Variants in TDRD1 observed in about 807,000 individuals in gnomAD.
TDRD1 encodes the protein tudor domain-containing protein 1.
TDRD1 carries 37 observed loss-of-function variants against 140.6 expected under a neutral mutation model. That is an observed-to-expected ratio of 0.26 (90% CI 0.20 to 0.35). The LOEUF (loss-of-function observed/expected upper bound fraction) is 0.35, where lower values mean the gene tolerates loss of function less well. TDRD1 is among the 10% of genes least tolerant of loss of function. The pLI, the probability that TDRD1 is intolerant of heterozygous loss-of-function variation, is 1.00. For missense variants in TDRD1, 1,243 were observed against 1,393.0 expected, an observed-to-expected ratio of 0.89 and a Z score of 1.71; for synonymous variants, 506 against 475.7, an observed-to-expected ratio of 1.06 and a Z score of -0.83.
At chr10:114,182,578 C>T (rs2033159109) in intron 1 of TDRD1, among the ~76,000 whole-genome samples, 1 of 152,202 alleles carries the variant, frequency 6.6e-6, no homozygotes, top group African/African-American at 2.4e-5. Flanking sequence ...ATGTGCTTCT[C>T]CACTTAAGAC....
In TDRD1 at chr10:114,220,863, T is replaced by G. The variant is rs980931552; in HGVS notation, c.2770+20T>G. ...TTCAAGGTAACATTTTAAAACCATT[T>G]ATTTGTTTAAATTTGTTATTCTTTG... On this transcript the variant is annotated intron_variant, in intron 19 of 25. Transcript: ENST00000251864. 2 of 1,562,806 alleles carry G rather than the reference T, an allele frequency of 1.3e-6. No individual in the cohort carries two copies. The highest frequency in any genetic ancestry group is 1.7e-6 in the Non-Finnish European group (2 of 1,145,758).
chr10:114,177,380 G>T (rs1443327349), upstream of TDRD1, among the ~76,000 whole-genome samples: 2 of 152,140 alleles, frequency 1.3e-5, no homozygotes, highest in African/African-American at 4.8e-5. Context: ...ATATTCATAG[G>T]ATGTATGCTT....
chr10:114,204,862 C>G (rs1259126932), exon 10 of TDRD1: 1 of 1,594,222 alleles, frequency 6.3e-7, no homozygotes, highest in Non-Finnish European at 8.5e-7. Flanking sequence ...AAGTGGTTAC[C>G]TTTGCTGTAG....
At chr10:114,196,163 G>T (rs1048382669) in intron 3 of TDRD1, among the ~76,000 whole-genome samples, 1 of 152,134 alleles carries the variant, frequency 6.6e-6, no homozygotes, top group East Asian at 1.9e-4. Context: ...CATTTATTGG[G>T]TCTCGAACTC....
At chr10:114,200,410 C>A (rs1564944130) in intron 4 of TDRD1, among the ~76,000 whole-genome samples, 1 of 152,024 alleles carries the variant, frequency 6.6e-6, no homozygotes, top group Non-Finnish European at 1.5e-5. Flanking sequence ...TAACCTGTTT[C>A]TTTAGCATGA....
rs201631954 is a variant in TDRD1, at chr10:114,222,709, G to A, written c.3007+6G>A. 2 of 1,488,982 alleles carry A rather than the reference G, an allele frequency of 1.3e-6. No individual in the cohort carries two copies. Among genetic ancestry groups the A allele is most frequent in the South Asian group, 1.2e-5 (1 of 86,244 alleles). The allele number at this position is 1,488,982 out of a possible 1,614,324, so 92.2% of individuals were successfully genotyped here. Reference sequence around the variant, plus strand: ...ATGCTGTGCCAAATACACAAGTAAGGTTCTTTTAGGGAAAATATTTGAGGG... The same window carrying A: ...ATGCTGTGCCAAATACACAAGTAAGATTCTTTTAGGGAAAATATTTGAGGG... On this transcript the variant is annotated splice_donor_region_variant and intron_variant, in intron 21 of 25. Coordinates refer to ENST00000251864, the Ensembl canonical transcript of TDRD1.
chr10:114,188,179 C>T (rs546240442), intron 2 of TDRD1, 23 bp downstream of exon 2: 1 of 1,540,502 alleles, frequency 6.5e-7, no homozygotes, highest in Non-Finnish European at 8.7e-7. Context: ...CACAGGCTTC[C>T]TACTTCTTCA....
chr10:114,225,408 G>A (rs964977155), intron 21 of TDRD1, among the ~76,000 whole-genome samples: 3 of 152,202 alleles, frequency 2.0e-5, no homozygotes, highest in Admixed American at 2.0e-4. Flanking sequence ...GGGGATTTGT[G>A]ATGCAAGCTG....
intron 15 of TDRD1, among the ~76,000 whole-genome samples, 187 bp from the exon 16 acceptor site, chr10:114,213,790 G>A (rs770736433): frequency 3.3e-4 from 50 of 152,190 alleles, no homozygotes; most frequent in Admixed American, 9.2e-4. Context: ...CTGATGATCA[G>A]AAATGTAAAT....
intron 1 of TDRD1, among the ~76,000 whole-genome samples, chr10:114,185,436 T>C (rs7073634): frequency 0.26 from 39,122 of 151,884 alleles, 5,324 homozygotes; most frequent in African/African-American, 0.33. Flanking sequence ...GTAATCCACC[T>C]GCCTTGGCCT....
chr10:114,216,641 T>C (rs1375887462), intron 16 of TDRD1, among the ~76,000 whole-genome samples: 1 of 152,204 alleles, frequency 6.6e-6, no homozygotes, highest in Non-Finnish European at 1.5e-5. Context: ...GGAGTAGATC[T>C]CTGGGACAAG....
At chr10:114,231,507 A>T (rs2036756889) in exon 26 of TDRD1, 2 of 1,600,306 alleles carry the variant, frequency 1.2e-6, no homozygotes, top group Admixed American at 1.8e-5. Context: ...CTTGGAGGTA[A>T]ACCCTTATGA....
rs116091890 is a variant in TDRD1, at chr10:114,192,034, T to C, written c.384+1015T>C. 5.8e-3 allele frequency among the ~76,000 whole-genome samples: 877 copies of C among 151,552 alleles called. 7 individuals carry two copies. Among genetic ancestry groups the C allele is most frequent in the African/African-American group, 0.02 (837 of 41,216 alleles). On this transcript the variant is annotated intron_variant, in intron 3 of 25. Coordinates refer to ENST00000251864, the Ensembl canonical transcript of TDRD1. ...GTGCATCTTTGGTGAAATATTTTCA[T>C]GTCTTTTGTCTATTTTCTAATTTTT...
chr10:114,219,210 CA>C (rs984105407), intron 18 of TDRD1, among the ~76,000 whole-genome samples: 6 of 152,156 alleles, frequency 3.9e-5, no homozygotes, highest in African/African-American at 1.4e-4. Flanking sequence ...GTGATAAAGA[CA>C]ATAGACGTCA....
At position 114,213,598 on chromosome 10, in the gene TDRD1, A is replaced by G. The variant is rs745664198; in HGVS notation, c.2074+10A>G. 3 of 1,612,142 alleles carry G rather than the reference A, an allele frequency of 1.9e-6. No individual in the cohort carries two copies. Among genetic ancestry groups the G allele is most frequent in the Non-Finnish European group, 2.5e-6 (3 of 1,178,484 alleles). On this transcript the variant is annotated intron_variant, in intron 15 of 25. Coordinates refer to ENST00000251864, the Ensembl canonical transcript of TDRD1. The stretch of plus-strand genomic sequence containing the variant: ...GTGAAAGAAACCAGTGGTAAGTCAA[A>G]TGTTTACTGGATAATGCCTGTTCTG...
intron 13 of TDRD1, 100 bp from the exon 14 acceptor site, chr10:114,211,766 G>A (rs2035499310): frequency 8.0e-7 from 1 of 1,246,306 alleles, no homozygotes; most frequent in East Asian, 2.7e-5. Flanking sequence ...ATCTATTAAA[G>A]AAAAATCTAT....
upstream of TDRD1, among the ~76,000 whole-genome samples, chr10:114,178,650 G>A (rs188262801): frequency 9.9e-5 from 15 of 152,272 alleles, no homozygotes; most frequent in East Asian, 2.7e-3. Context: ...GTGAACAAAC[G>A]TGGCTTTTTC....
intron 25 of TDRD1, among the ~76,000 whole-genome samples, chr10:114,229,166 A>G (rs2036611697): frequency 1.3e-5 from 2 of 152,164 alleles, no homozygotes; most frequent in Non-Finnish European, 2.9e-5. Context: ...GAGTTGTTAC[A>G]GTTCCAGCCA....
intron 13 of TDRD1, 115 bp downstream of exon 13, chr10:114,211,082 G>C: frequency 1.3e-6 from 1 of 773,754 alleles, no homozygotes; most frequent in Non-Finnish European, 2.0e-6. Flanking sequence ...TGGATTTAAA[G>C]CTTGAATATT....
Sources: allele counts gnomAD v4.1 joint callset (sites outside exome capture counted in the v4.1 genomes callset), GRCh38; gene constraint gnomAD v4.1.1; transcripts MANE v1.5; gene names NCBI Gene and HGNC (gene_info 2026-07-23, HGNC 2026-07-21).